The following SPATA6 variants were observed in gnomAD, a reference collection of about 807,000 sequenced individuals.
The protein encoded by SPATA6 is spermatogenesis-associated protein 6.
In SPATA6, 56 loss-of-function variants were observed where a neutral mutation model predicts 65.3. The observed-to-expected ratio is 0.86, with a 90% CI of 0.69 to 1.07. SPATA6 has a LOEUF of 1.07. SPATA6 is among the 50% of genes least tolerant of loss of function. The pLI, the probability that SPATA6 is intolerant of heterozygous loss-of-function variation, is 0.00. For synonymous variants in SPATA6, 199 were observed against 213.2 expected, an observed-to-expected ratio of 0.93 and a Z score of 0.58; for missense variants, 590 against 594.8, an observed-to-expected ratio of 0.99 and a Z score of 0.08.
At chr1:48,368,565 C>T (rs923381073) in intron 9 of SPATA6, among the ~76,000 whole-genome samples, 2 of 152,182 alleles carry the variant, frequency 1.3e-5, no homozygotes, top group African/African-American at 2.4e-5. Context: ...TCACTGATAC[C>T]CTTTCTTCCA....
chr1:48,311,126 C>G (rs550792361), intron 11 of SPATA6, among the ~76,000 whole-genome samples: 65 of 152,082 alleles, frequency 4.3e-4, no homozygotes, highest in South Asian at 2.9e-3. Flanking sequence ...AAAAGAAGAC[C>G]TCAAATCAAT....
intron 11 of SPATA6, among the ~76,000 whole-genome samples, chr1:48,334,569 T>C (rs1019704008): frequency 2.6e-5 from 4 of 152,176 alleles, no homozygotes; most frequent in Admixed American, 2.0e-4. Flanking sequence ...AAAAGGCTTT[T>C]GATAAAATTC....
chr1:48,395,386 A>T lies in SPATA6; in HGVS notation c.781-32T>A, dbSNP rs774465506. On this transcript the variant is annotated intron_variant, in intron 7 of 12. Coordinates refer to ENST00000371847, the MANE Select transcript of SPATA6 (RefSeq NM_019073.4). ...GAAGCAGGATTTTTATGTAAAAGAGAGTTTAAACATTCCTAGACTTTCAAT... is the reference window on the plus strand; with the variant it reads ...GAAGCAGGATTTTTATGTAAAAGAGTGTTTAAACATTCCTAGACTTTCAAT... 3.4e-6 allele frequency: 5 copies of T among 1,468,266 alleles called. No individual in the cohort carries two copies. In the South Asian group the frequency reaches 7.1e-5, roughly 21 times the overall value. 91.0% of individuals were successfully genotyped at this position (1,468,266 alleles called of 1,614,324 possible). A position where few individuals can be genotyped will look rare whatever the true frequency, so the allele number is the denominator to read the frequency against.
At chr1:48,299,382 C>T (rs1385497444) in intron 12 of SPATA6, among the ~76,000 whole-genome samples, 2 of 151,724 alleles carry the variant, frequency 1.3e-5, no homozygotes, top group South Asian at 2.1e-4. Flanking sequence ...AGGATGGTGG[C>T]GCTTGCCTAT....
intron 11 of SPATA6, among the ~76,000 whole-genome samples, chr1:48,311,295 T>C (rs1376855761): frequency 6.6e-6 from 1 of 152,002 alleles, no homozygotes; most frequent in Non-Finnish European, 1.5e-5. Flanking sequence ...CATAAAACAT[T>C]TGACAATGTT....
At chr1:48,330,080 C>A (rs1273624949) in intron 11 of SPATA6, among the ~76,000 whole-genome samples, 1 of 152,168 alleles carries the variant, frequency 6.6e-6, no homozygotes, top group Non-Finnish European at 1.5e-5. Context: ...ATTGCTCCAC[C>A]ACTGCATGCC....
chr1:48,409,835 G>GA (rs1652050009), intron 5 of SPATA6, among the ~76,000 whole-genome samples: 1 of 152,164 alleles, frequency 6.6e-6, no homozygotes, highest in Admixed American at 6.5e-5. Flanking sequence ...AAGTCCCTAG[G>GA]CTGCACACAG....
intron 11 of SPATA6, among the ~76,000 whole-genome samples, chr1:48,314,373 C>T (rs1645333238): frequency 6.6e-6 from 1 of 152,066 alleles, no homozygotes; most frequent in Admixed American, 6.6e-5. Flanking sequence ...AACTAGAACT[C>T]AGGATTAAGA....
intron 11 of SPATA6, among the ~76,000 whole-genome samples, chr1:48,353,448 TCA>T (rs1259723283): frequency 6.8e-6 from 1 of 146,906 alleles, no homozygotes; most frequent in Non-Finnish European, 1.5e-5. Flanking sequence ...AAAAAAAAAC[TCA>T]CGTGTTACTT....
the SPATA6 span, among the ~76,000 whole-genome samples, chr1:48,283,540 A>T: frequency 3.3e-5 from 5 of 150,700 alleles, no homozygotes; most frequent in Non-Finnish European, 5.9e-5. Flanking sequence ...TTAGCTGGGC[A>T]TGGTGGCAGG....
rs528662288 is a variant in SPATA6 at position 48,301,896 on chromosome 1, T to C, written c.1287-3003A>G. On this transcript the variant is annotated intron_variant, in intron 12 of 12. Coordinates refer to ENST00000371847, the MANE Select transcript of SPATA6 (RefSeq NM_019073.4). The stretch of plus-strand genomic sequence containing the variant: ...ATCGAACTAAAATGGATTAAATACT[T>C]AAATGTGAGACCTGAAAGGATGAAA... Among the ~76,000 whole-genome samples, 10 of 152,264 alleles carry C rather than the reference T, an allele frequency of 6.6e-5. No individual in the cohort carries two copies. In the East Asian group the frequency reaches 1.7e-3, roughly 26 times the overall value.
intron 1 of SPATA6, among the ~76,000 whole-genome samples, chr1:48,461,032 T>C (rs932566831): frequency 2.6e-5 from 4 of 151,972 alleles, no homozygotes; most frequent in African/African-American, 4.8e-5. Flanking sequence ...CCAATACATA[T>C]CTAATAGTAC....
chr1:48,455,381 CTT>C (rs760784000), intron 1 of SPATA6, among the ~76,000 whole-genome samples: 13 of 143,932 alleles, frequency 9.0e-5, no homozygotes, highest in East Asian at 2.0e-4. Flanking sequence ...ACCTCTTTAA[CTT>C]TTTTTTTTTT....
intron 3 of SPATA6, among the ~76,000 whole-genome samples, chr1:48,445,391 T>C (rs79407485): frequency 0.021 from 3,123 of 152,134 alleles, 129 homozygotes; most frequent in East Asian, 0.2. Flanking sequence ...TGGCTGGGCG[T>C]GGTGGCTCAC....
intron 2 of SPATA6, among the ~76,000 whole-genome samples, chr1:48,451,881 A>G (rs186865127): frequency 1.7e-3 from 265 of 152,230 alleles, no homozygotes; most frequent in Non-Finnish European, 3.2e-3. Flanking sequence ...ATTATTTTCA[A>G]CTACAAGCCT....
At chr1:48,310,609 C>T (rs1001655753) in intron 11 of SPATA6, among the ~76,000 whole-genome samples, 1 of 152,114 alleles carries the variant, frequency 6.6e-6, no homozygotes, top group African/African-American at 2.4e-5. Context: ...CTAGAGAAAA[C>T]AGAACCAACA....
chr1:48,355,898 T>C (rs1404978280), intron 10 of SPATA6, 129 bp from the exon 11 acceptor site: 17 of 624,594 alleles, frequency 2.7e-5, no homozygotes, highest in Non-Finnish European at 4.8e-5. Flanking sequence ...GGGGAGAACA[T>C]ACCTATATAT....
intron 3 of SPATA6, among the ~76,000 whole-genome samples, chr1:48,444,483 C>T (rs1457737950): frequency 6.6e-6 from 1 of 152,088 alleles, no homozygotes; most frequent in East Asian, 1.9e-4. Flanking sequence ...TCTGTAAAAA[C>T]ATACCAATCA....
intron 11 of SPATA6, among the ~76,000 whole-genome samples, chr1:48,314,158 C>G (rs1040570307): frequency 6.6e-6 from 1 of 152,102 alleles, no homozygotes; most frequent in Admixed American, 6.6e-5. Flanking sequence ...CAAGGATATC[C>G]AGGAATTGAA....
Sources: allele counts gnomAD v4.1 joint callset (sites outside exome capture counted in the v4.1 genomes callset), GRCh38; gene constraint gnomAD v4.1.1; transcripts MANE v1.5; gene names NCBI Gene and HGNC (gene_info 2026-07-23, HGNC 2026-07-21).